PCDH15: variants seen among roughly 807,000 people sequenced by gnomAD.
PCDH15 encodes protocadherin related 15, also known as protocadherin-15.
In PCDH15, 129 loss-of-function variants were observed where a neutral mutation model predicts 178.5. The ratio of observed to expected loss-of-function variants is 0.72; its 90% confidence interval spans 0.63 to 0.84. The LOEUF is 0.84. Ranked by LOEUF, PCDH15 falls within the 40% of genes least tolerant of loss-of-function variation. The pLI is 0.00. For synonymous variants in PCDH15, 800 were observed against 732.0 expected, an observed-to-expected ratio of 1.09 and a Z score of -1.50; for missense variants, 2,230 against 2,099.9, an observed-to-expected ratio of 1.06 and a Z score of -1.21.
chr10:55,447,734 A>T (rs1186777419), intron 2 of PCDH15, among the ~76,000 whole-genome samples: 1 of 152,094 alleles, frequency 6.6e-6, no homozygotes, highest in Non-Finnish European at 1.5e-5. Context: ...TAGAATTAAG[A>T]TTAGAATTAT....
intron 1 of PCDH15, among the ~76,000 whole-genome samples, chr10:54,679,486 T>C (rs930289403): frequency 5.9e-5 from 9 of 152,166 alleles, no homozygotes; most frequent in Non-Finnish European, 4.4e-5. Flanking sequence ...TTTAATACTC[T>C]CAGTTATAAC....
intron 2 of PCDH15, among the ~76,000 whole-genome samples, chr10:54,541,031 G>T (rs1482216837): frequency 6.6e-6 from 1 of 152,112 alleles, no homozygotes; most frequent in East Asian, 1.9e-4. Flanking sequence ...AGCCATATAT[G>T]ACACAATACA....
At chr10:54,893,933 C>T (rs180864730) in intron 3 of PCDH15, among the ~76,000 whole-genome samples, 20 of 152,120 alleles carry the variant, frequency 1.3e-4, no homozygotes, top group African/African-American at 4.8e-4. Flanking sequence ...TCACTGTAGC[C>T]TTGCTTGTCT....
chr10:55,134,643 T>C (rs920302683), intron 2 of PCDH15, among the ~76,000 whole-genome samples: 5 of 152,186 alleles, frequency 3.3e-5, no homozygotes, highest in African/African-American at 9.6e-5. Flanking sequence ...TGTTTTCTGA[T>C]TGGAAATCTA....
chr10:54,153,051 G>T (rs373152977), intron 14 of PCDH15, 49 bp downstream of exon 14: 1 of 1,595,586 alleles, frequency 6.3e-7, no homozygotes, highest in Non-Finnish European at 8.6e-7. Flanking sequence ...TTAATTACAG[G>T]GTTAAACGGG....
At chr10:54,234,152 G>GTC (rs2054377427) in intron 9 of PCDH15, among the ~76,000 whole-genome samples, 1 of 151,424 alleles carries the variant, frequency 6.6e-6, no homozygotes, top group Non-Finnish European at 1.5e-5. Flanking sequence ...GTGTGTGTGT[G>GTC]TGTGTGTGTG....
chr10:55,120,608 C>T (rs182354051), intron 2 of PCDH15, among the ~76,000 whole-genome samples: 310 of 152,148 alleles, frequency 2.0e-3, no homozygotes, highest in African/African-American at 7.3e-3. Context: ...ATCACAACTA[C>T]CAAGAGAAAG....
chr10:54,778,156 T>C (rs1658030736), intron 1 of PCDH15, among the ~76,000 whole-genome samples: 1 of 152,138 alleles, frequency 6.6e-6, no homozygotes. Context: ...GAAAAGCAAA[T>C]GAGAATGTTG....
rs1841054708 is a variant in PCDH15 at position 53,804,856 on chromosome 10, C to CTTGT, written c.*1719_*1722dup. ...TTAGGATCTTTTGAAAATGTGGATG[C>CTTGT]TTGTTTGGCAGGCCAGGAGGTGTGG... is the stretch of plus-strand genomic sequence containing the variant. On this transcript the variant is annotated 3_prime_UTR_variant, in exon 38 of 38. Transcript: ENST00000644397. The CTTGT allele has an allele frequency of 6.6e-6, 1 of 151,780 alleles. No individual in the cohort carries two copies. The highest frequency in any genetic ancestry group is 2.1e-4 in the South Asian group (1 of 4,820). 9.4% of individuals were successfully genotyped at this position (151,780 alleles called of 1,614,324 possible).
At chr10:54,406,933 A>G (rs1325683057) in intron 3 of PCDH15, among the ~76,000 whole-genome samples, 1 of 152,140 alleles carries the variant, frequency 6.6e-6, no homozygotes, top group Admixed American at 6.6e-5. Flanking sequence ...TTCAAAAGAT[A>G]CCTCTACATT....
intron 2 of PCDH15, among the ~76,000 whole-genome samples, chr10:54,538,530 GA>G (rs1221125898): frequency 6.6e-6 from 1 of 151,890 alleles, no homozygotes; most frequent in Admixed American, 6.6e-5. Flanking sequence ...AGTATAGTTT[GA>G]AAAAAAGCTA....
At chr10:54,311,038 G>T (rs562338619) in intron 8 of PCDH15, among the ~76,000 whole-genome samples, 1 of 152,056 alleles carries the variant, frequency 6.6e-6, no homozygotes, top group African/African-American at 2.4e-5. Context: ...TTCCCCGGAG[G>T]GAGAGGGTTT....
chr10:54,494,091 T>A (rs1436292419), intron 3 of PCDH15, among the ~76,000 whole-genome samples: 2 of 65,486 alleles, frequency 3.1e-5, no homozygotes, highest in African/African-American at 5.9e-5. Context: ...TGTTGTGGGG[T>A]AGGGGGAGGG....
chr10:55,251,236 T>A (rs1435871057), intron 1 of PCDH15, among the ~76,000 whole-genome samples: 2 of 152,146 alleles, frequency 1.3e-5, no homozygotes, highest in East Asian at 3.9e-4. Context: ...TACATTTGTA[T>A]CATATATGTA....
At chr10:54,207,967 A>G (rs1344772655) in intron 10 of PCDH15, among the ~76,000 whole-genome samples, 1 of 152,044 alleles carries the variant, frequency 6.6e-6, no homozygotes, top group African/African-American at 2.4e-5. Flanking sequence ...GTTTTCTCCC[A>G]AATTCTTCTT....
chr10:54,623,030 A>C (rs971544716), intron 2 of PCDH15, among the ~76,000 whole-genome samples: 47 of 151,728 alleles, frequency 3.1e-4, no homozygotes, highest in African/African-American at 9.9e-4. Flanking sequence ...TGTGATTCCC[A>C]CTACTTCCAT....
intron 1 of PCDH15, among the ~76,000 whole-genome samples, chr10:54,792,192 A>C (rs1301105898): frequency 6.6e-6 from 1 of 151,922 alleles, no homozygotes; most frequent in East Asian, 1.9e-4. Flanking sequence ...AAGGACCAGA[A>C]AAATGGTGGT....
At chr10:54,793,198 C>A (rs578082529) in intron 1 of PCDH15, among the ~76,000 whole-genome samples, 1 of 152,030 alleles carries the variant, frequency 6.6e-6, no homozygotes, top group Admixed American at 6.6e-5. Context: ...GTTAGCACTG[C>A]GCTTTATCCC....
chr10:55,490,339 C>T (rs1160831109), intron 2 of PCDH15, among the ~76,000 whole-genome samples: 1 of 151,744 alleles, frequency 6.6e-6, no homozygotes, highest in Non-Finnish European at 1.5e-5. Context: ...CAAAGAGCTT[C>T]AGACACACAG....
Sources: allele counts gnomAD v4.1 joint callset (sites outside exome capture counted in the v4.1 genomes callset), GRCh38; gene constraint gnomAD v4.1.1; transcripts MANE v1.5; gene names NCBI Gene and HGNC (gene_info 2026-07-23, HGNC 2026-07-21).